The following CCDC171 variants were observed in gnomAD, a reference collection of about 807,000 sequenced individuals.
CCDC171 encodes the protein coiled-coil domain-containing protein 171.
In CCDC171, 177 loss-of-function variants were observed where a neutral mutation model predicts 168.2. That is an observed-to-expected ratio of 1.05 (90% CI 0.93 to 1.19). The LOEUF (loss-of-function observed/expected upper bound fraction) is 1.19. Among genes scored for constraint, CCDC171 ranks in the 50% most tolerant of loss-of-function variants. CCDC171 has a pLI of 0.00. For missense variants in CCDC171, 1,991 were observed against 1,539.0 expected, an observed-to-expected ratio of 1.29 and a Z score of -4.91; for synonymous variants, 687 against 540.8, an observed-to-expected ratio of 1.27 and a Z score of -3.75.
intron 4 of CCDC171, among the ~76,000 whole-genome samples, chr9:15,580,010 A>G (rs1004504460): frequency 6.6e-6 from 1 of 152,362 alleles, no homozygotes; most frequent in Middle Eastern, 3.4e-3. Context: ...TGGTACTGGT[A>G]TAAAAACAGG....
chr9:15,698,893 G>C (rs183476029), intron 11 of CCDC171, among the ~76,000 whole-genome samples: 42 of 152,250 alleles, frequency 2.8e-4, no homozygotes, highest in African/African-American at 1.0e-3. Flanking sequence ...TAGACACTTA[G>C]GTTGATTCTA....
At chr9:15,692,806 C>T (rs879581781) in intron 10 of CCDC171, among the ~76,000 whole-genome samples, 3 of 150,130 alleles carry the variant, frequency 2.0e-5, no homozygotes, top group Non-Finnish European at 4.4e-5. Flanking sequence ...GGATTACAGG[C>T]GTGAGCCACA....
chr9:15,927,911 C>T (rs548119890), intron 25 of CCDC171, among the ~76,000 whole-genome samples: 2 of 151,804 alleles, frequency 1.3e-5, no homozygotes, highest in East Asian at 3.9e-4. Context: ...TATACCTTAT[C>T]TTAGTTGATT....
intron 3 of CCDC171, among the ~76,000 whole-genome samples, chr9:15,997,104 G>A (rs1489170153): frequency 2.0e-5 from 3 of 152,194 alleles, no homozygotes; most frequent in Non-Finnish European, 4.4e-5. Context: ...GAAGAAAGGA[G>A]GATTGGGGAG....
At chr9:15,906,876 A>T (rs1351468331) in intron 24 of CCDC171, among the ~76,000 whole-genome samples, 1 of 152,048 alleles carries the variant, frequency 6.6e-6, no homozygotes, top group Non-Finnish European at 1.5e-5. Flanking sequence ...TTATACACCA[A>T]TAACAGACAA....
At chr9:15,908,327 A>C (rs1391532440) in intron 24 of CCDC171, among the ~76,000 whole-genome samples, 1 of 152,220 alleles carries the variant, frequency 6.6e-6, no homozygotes, top group South Asian at 2.1e-4. Flanking sequence ...ATGCAGCCAT[A>C]AAAAATGATG....
At chr9:15,903,093 C>G (rs961060520) in intron 24 of CCDC171, among the ~76,000 whole-genome samples, 1 of 152,344 alleles carries the variant, frequency 6.6e-6, no homozygotes, top group Admixed American at 6.5e-5. Flanking sequence ...TCTGTAGACT[C>G]CACCTCTGGG....
chr9:15,982,311 C>G lies in CCDC171; in HGVS notation n.369-38278C>G, dbSNP rs76562403. The stretch of plus-strand genomic sequence containing the variant: ...GAGAATTTAGAACCGTATTCACTCA[C>G]CAGCTGTGTGTCCTTAGGCAAGTTA... On this transcript the variant is annotated intron_variant and non_coding_transcript_variant, in intron 3 of 9. Coordinates refer to the CCDC171 transcript ENST00000486641. Among the ~76,000 whole-genome samples, 267 of 152,278 alleles carry G rather than the reference C, an allele frequency of 1.8e-3. 3 individuals carry two copies. Among genetic ancestry groups the G allele is most frequent in the African/African-American group, 6.2e-3 (257 of 41,552 alleles).
At chr9:16,076,577 C>G in the CCDC171 span, among the ~76,000 whole-genome samples, 1 of 152,168 alleles carries the variant, frequency 6.6e-6, no homozygotes, top group African/African-American at 2.4e-5. Flanking sequence ...CCCATGCTTC[C>G]GGCAGCCTTC....
intron 24 of CCDC171, among the ~76,000 whole-genome samples, chr9:15,900,696 T>A (rs1821512990): frequency 6.6e-6 from 1 of 152,204 alleles, no homozygotes; most frequent in South Asian, 2.1e-4. Flanking sequence ...AGATTTTGAT[T>A]ATTGGAGCTT....
chr9:15,565,826 A>T (rs916342789), intron 2 of CCDC171, among the ~76,000 whole-genome samples: 1 of 152,210 alleles, frequency 6.6e-6, no homozygotes, highest in African/African-American at 2.4e-5. Context: ...ATGTTTGCAT[A>T]TGTCTTTGTG....
chr9:15,751,382 A>G (rs1279097068), intron 18 of CCDC171, among the ~76,000 whole-genome samples: 2 of 152,230 alleles, frequency 1.3e-5, no homozygotes, highest in African/African-American at 2.4e-5. Context: ...TGCTATCCTC[A>G]TCAAGCTGCC....
chr9:15,769,054 C>G (rs1326189411), intron 18 of CCDC171, among the ~76,000 whole-genome samples: 4 of 152,222 alleles, frequency 2.6e-5, no homozygotes, highest in African/African-American at 9.6e-5. Context: ...GTGAGATGCT[C>G]TCTTATGTCT....
At chr9:15,632,710 C>T (rs985957588) in intron 7 of CCDC171, among the ~76,000 whole-genome samples, 6 of 152,134 alleles carry the variant, frequency 3.9e-5, no homozygotes, top group Non-Finnish European at 2.9e-5. Context: ...GCCTGCATCG[C>T]CAAGTCAATC....
intron 6 of CCDC171, among the ~76,000 whole-genome samples, chr9:15,618,513 T>G (rs1010359426): frequency 3.3e-5 from 5 of 152,106 alleles, no homozygotes; most frequent in Admixed American, 1.3e-4. Context: ...CAGCTCCCTT[T>G]CCAGAGGAGT....
chr9:15,913,176 T>A (rs981121943), intron 24 of CCDC171, among the ~76,000 whole-genome samples: 1 of 152,242 alleles, frequency 6.6e-6, no homozygotes, highest in Non-Finnish European at 1.5e-5. Context: ...CTGGGCTTTT[T>A]TGGTTGGTAA....
In CCDC171 at chr9:15,874,629, G is replaced by C. The variant is rs140656688; in HGVS notation, c.3566G>C (p.Gly1189Ala). ...CACCTGGAGACCTTTGCAATGGAGG[G>C]GCTCAAGGGCGGGCCAGAGGTGGTA... ...KLHLETFAME[G>A]LKGGPEVVAC... The change falls in exon 24 of 26, where the codon GGG becomes GCG. Residue 1189 changes from glycine to alanine, a missense_variant. Transcript: ENST00000380701. 15 of 1,601,846 alleles carry C rather than the reference G, an allele frequency of 9.4e-6. No individual in the cohort carries two copies. Among genetic ancestry groups the C allele is most frequent in the Admixed American group, 1.7e-5 (1 of 58,550 alleles).
chr9:15,920,177 A>T (rs966334742), intron 24 of CCDC171, 93 bp from the exon 25 acceptor site: 9 of 726,932 alleles, frequency 1.2e-5, no homozygotes, highest in Non-Finnish European at 1.8e-5. Flanking sequence ...TGTTTATTTT[A>T]AAATTTTAAT....
chr9:15,997,992 C>G (rs988771439), intron 3 of CCDC171, among the ~76,000 whole-genome samples: 1 of 152,156 alleles, frequency 6.6e-6, no homozygotes, highest in African/African-American at 2.4e-5. Context: ...TCAAAGTGCT[C>G]CCATGGTAGC....
Sources: gnomAD v4.1 joint callset for allele counts (sites outside exome capture counted in the v4.1 genomes callset) on GRCh38, gnomAD v4.1.1 for gene constraint, MANE v1.5 for transcripts, NCBI Gene and HGNC (gene_info 2026-07-23, HGNC 2026-07-21) for gene names.